The following CHM variants were observed in gnomAD, a reference collection of about 807,000 sequenced individuals.
CHM encodes rab proteins geranylgeranyltransferase component A 1.
CHM carries 10 observed loss-of-function variants against 49.0 expected under a neutral mutation model. The observed-to-expected ratio is 0.20, with a 90% CI of 0.13 to 0.35. The LOEUF (loss-of-function observed/expected upper bound fraction) is 0.35. Ranked by LOEUF, CHM falls within the 10% of genes least tolerant of loss-of-function variation. CHM has a pLI of 1.00. For missense variants in CHM, 455 were observed against 478.4 expected (o/e 0.95, Z 0.46); for synonymous variants, 184 against 167.5 (o/e 1.10, Z -0.76).
chrX:85,905,282 C>G (rs1261624912), intron 9 of CHM, among the ~76,000 whole-genome samples: 1 of 111,287 alleles, frequency 9.0e-6, no homozygotes, highest in African/African-American at 3.3e-5. Flanking sequence ...CTAGCCTCTT[C>G]TCTCCGTCTC....
intron 1 of CHM, among the ~76,000 whole-genome samples, chrX:86,043,132 A>C (rs934969474): frequency 8.9e-6 from 1 of 111,953 alleles, no homozygotes; most frequent in Non-Finnish European, 1.9e-5. Flanking sequence ...ATACAATGGT[A>C]ATTTTAGGGC....
intron 4 of CHM, among the ~76,000 whole-genome samples, chrX:85,967,196 C>A (rs1930628282): frequency 9.0e-6 from 1 of 111,532 alleles, no homozygotes; most frequent in African/African-American, 3.3e-5. Context: ...CCACTGACAT[C>A]CTCAGAAAGC....
intron 4 of CHM, among the ~76,000 whole-genome samples, chrX:85,975,343 C>T (rs748859334): frequency 8.9e-6 from 1 of 111,890 alleles, no homozygotes; most frequent in Non-Finnish European, 1.9e-5. Context: ...ACATGAAAAC[C>T]AATGCACAAA....
In CHM at chrX:85,893,132, TAATA is replaced by T. The variant is rs779474057; in HGVS notation, c.1510+1052_1510+1055del. ...CCTAGCACAATATGTTGTACTTGGT[TAATA>T]AATAGTCTTGTTCCATTAGGTGAGC... is the stretch of plus-strand genomic sequence containing the variant. On this transcript the variant is annotated intron_variant, in intron 12 of 14. Transcript: ENST00000357749. 3.6e-5 allele frequency among the ~76,000 whole-genome samples: 4 copies of T among 111,663 alleles called. No individual in the cohort carries two copies. The East Asian group carries it at 8.5e-4, about 24-fold the overall frequency.
chrX:85,948,146 T>A (rs1929519185), intron 8 of CHM, among the ~76,000 whole-genome samples: 1 of 112,197 alleles, frequency 8.9e-6, no homozygotes, highest in Non-Finnish European at 1.9e-5. Flanking sequence ...ATACCTGACG[T>A]AGTATATAAA....
intron 8 of CHM, among the ~76,000 whole-genome samples, chrX:85,940,119 C>T (rs747664992): frequency 7.2e-5 from 8 of 111,405 alleles, no homozygotes; most frequent in Non-Finnish European, 1.3e-4. Context: ...CTTACCATGA[C>T]GAAGCAGGAA....
chrX:85,890,707 C>A (rs1270425096), intron 12 of CHM, among the ~76,000 whole-genome samples: 1 of 111,627 alleles, frequency 9.0e-6, no homozygotes, highest in East Asian at 2.8e-4. Context: ...TCGGGTATGT[C>A]TTTATCAGCA....
At chrX:85,876,950 G>A in intron 13 of CHM, among the ~76,000 whole-genome samples, 1 of 110,602 alleles carries the variant, frequency 9.0e-6, no homozygotes, top group Non-Finnish European at 1.9e-5. Context: ...TTAGTGCATT[G>A]AGACTACTAC....
chrX:86,032,005 CTGTTT>C (rs916635856), intron 1 of CHM, among the ~76,000 whole-genome samples: 11 of 112,359 alleles, frequency 9.8e-5, no homozygotes, highest in African/African-American at 3.2e-4. Flanking sequence ...AAAATAATGA[CTGTTT>C]TGTTTAAATT....
chrX:85,979,315 C>T (rs926715582), intron 3 of CHM, among the ~76,000 whole-genome samples: 3 of 110,833 alleles, frequency 2.7e-5, no homozygotes, highest in African/African-American at 6.5e-5. Flanking sequence ...AAAATAACTT[C>T]GTTCTATTTA....
intron 2 of CHM, among the ~76,000 whole-genome samples, chrX:86,025,020 A>T (rs1603282554): frequency 9.0e-6 from 1 of 111,276 alleles, no homozygotes; most frequent in East Asian, 2.9e-4. Context: ...GGCTCAGAAC[A>T]GATTCAGATC....
Position 85,864,679 on chromosome X carries a change from G to C in CHM, c.1913C>G (p.Thr638Ser). ...SSAIPEANSE[T>S]FKESTNLGNL... is the part of the protein sequence containing the mutation. ...TCCAAGGTTTGTGCTTTCCTTGAAA[G>C]TCTCCGAGTTAGCCTCTGGTATGGC... The change falls in exon 15 of 15, where the codon ACT becomes AGT. Residue 638 changes from threonine (T) to serine (S), a missense_variant. Thr to Ser is a moderately conservative substitution (Grantham distance 58, BLOSUM62 1). Coordinates refer to ENST00000357749, the MANE Select transcript of CHM (RefSeq NM_000390.4). The C allele has an allele frequency of 8.3e-7, 1 of 1,209,684 alleles. No individual in the cohort carries two copies. Among genetic ancestry groups the C allele is most frequent in the Non-Finnish European group, 1.1e-6 (1 of 894,499 alleles).
intron 1 of CHM, among the ~76,000 whole-genome samples, chrX:86,037,638 G>A (rs1431087826): frequency 9.0e-6 from 1 of 111,133 alleles, no homozygotes; most frequent in Non-Finnish European, 1.9e-5. Context: ...TAAAATAGAT[G>A]ATGAAAGAGA....
chrX:85,939,187 C>T (rs1432590832), intron 8 of CHM, among the ~76,000 whole-genome samples: 1 of 111,718 alleles, frequency 9.0e-6, no homozygotes, highest in Admixed American at 9.6e-5. Flanking sequence ...GATGTTTGCA[C>T]AACTATGGAA....
intron 1 of CHM, among the ~76,000 whole-genome samples, chrX:86,039,865 C>T (rs747815912): frequency 9.0e-6 from 1 of 111,461 alleles, no homozygotes; most frequent in Admixed American, 9.5e-5. Context: ...AGCGTAACTT[C>T]GAAGAAGAAT....
intron 1 of CHM, among the ~76,000 whole-genome samples, chrX:86,046,280 C>A (rs1399703286): frequency 8.9e-6 from 1 of 111,775 alleles, no homozygotes; most frequent in Non-Finnish European, 1.9e-5. Context: ...ATGGAATGGG[C>A]CTTTGGAAAT....
chrX:86,004,288 G>A (rs1040428487), intron 2 of CHM, among the ~76,000 whole-genome samples: 9 of 111,801 alleles, frequency 8.1e-5, no homozygotes, highest in Admixed American at 2.9e-4. Context: ...GAAACAACCG[G>A]TACCAGCCAC....
At chrX:85,926,049 G>A (rs1928058068) in intron 8 of CHM, among the ~76,000 whole-genome samples, 1 of 110,347 alleles carries the variant, frequency 9.1e-6, no homozygotes, top group Non-Finnish European at 1.9e-5. Flanking sequence ...TAAGCTCTCA[G>A]CATCAACAAT....
At chrX:85,874,050 C>A (rs752988163) in intron 13 of CHM, among the ~76,000 whole-genome samples, 1 of 111,277 alleles carries the variant, frequency 9.0e-6, no homozygotes, top group East Asian at 2.8e-4. Flanking sequence ...TCTTACTCTC[C>A]TTCCTTGTTT....
Sources: allele counts gnomAD v4.1 joint callset (sites outside exome capture counted in the v4.1 genomes callset), GRCh38; gene constraint gnomAD v4.1.1; transcripts MANE v1.5; gene names NCBI Gene and HGNC (gene_info 2026-07-23, HGNC 2026-07-21).